Variants in MYOM1 observed in about 807,000 individuals in gnomAD.
The protein encoded by MYOM1 is myomesin-1.
In MYOM1, 164 loss-of-function variants were observed where a neutral mutation model predicts 205.3. The ratio of observed to expected loss-of-function variants is 0.80; its 90% CI spans 0.70 to 0.91. The LOEUF (loss-of-function observed/expected upper bound fraction) is 0.91, where lower values mean the gene tolerates loss of function less well. Among genes scored for constraint, MYOM1 ranks in the 40% least tolerant of loss-of-function variants. The probability of loss-of-function intolerance (pLI) is 0.00; values close to 1 mark genes in which losing one functional copy is unlikely to be tolerated. For missense variants in MYOM1, 2,011 were observed against 2,127.3 expected (o/e 0.95, Z 1.08); for synonymous variants, 772 against 789.4 (o/e 0.98, Z 0.37).
At chr18:3,093,980 C>T (rs2079263050) in intron 26 of MYOM1, among the ~76,000 whole-genome samples, 190 bp downstream of exon 26, 1 of 152,092 alleles carries the variant, frequency 6.6e-6, no homozygotes, top group South Asian at 2.1e-4. Context: ...ATTCTCAAAG[C>T]GTCCCAGTTT....
At position 3,176,087 on chromosome 18, in the gene MYOM1, T is replaced by C. The variant is rs773366188; in HGVS notation, c.977A>G (p.Tyr326Cys). The change falls in exon 6 of 38, where the codon TAT (tyrosine) becomes TGT (cysteine). Residue 326 changes from tyrosine (Y) to cysteine (C), a missense_variant. Coordinates refer to ENST00000356443, the MANE Select transcript of MYOM1 (RefSeq NM_003803.4). ...CATCCCATATCGACTCTCAATAATA[T>C]ACTTTCCAGGGTTTGCATGGACATT... is the stretch of plus-strand genomic sequence containing the variant. ...PINVHANPGK[Y>C]IIESRYGMHT... The C allele has an allele frequency of 8.1e-6, 13 of 1,608,506 alleles. No homozygotes were observed. The East Asian group carries it at 8.9e-5, about 11-fold the overall frequency.
intron 14 of MYOM1, among the ~76,000 whole-genome samples, chr18:3,136,375 G>A (rs1363856915): frequency 6.6e-6 from 1 of 151,976 alleles, no homozygotes; most frequent in African/African-American, 2.4e-5. Context: ...TTATTTTGAG[G>A]ATCGTTTGGG....
intron 9 of MYOM1, among the ~76,000 whole-genome samples, chr18:3,166,912 C>A: frequency 6.6e-6 from 1 of 152,024 alleles, no homozygotes; most frequent in East Asian, 1.9e-4. Context: ...TATAAATAAA[C>A]CTAGAGAAAA....
Position 3,104,076 on chromosome 18 carries a change from T to C in MYOM1, c.3419-1446A>G, listed in dbSNP as rs547852863. ...ACCATATGTTACTTTTAAAGGGCTA[T>C]ATGTATTCCATTGTAAGTTGCAGCC... On this transcript the variant is annotated intron_variant, in intron 22 of 37. Transcript: ENST00000356443. 5.3e-5 allele frequency among the ~76,000 whole-genome samples: 8 copies of C among 152,378 alleles called. No individual in the cohort carries two copies. In the South Asian group the frequency reaches 1.2e-3, roughly 24 times the overall value.
In MYOM1 at chr18:3,100,439, A is replaced by T. The variant is rs1325951031; in HGVS notation, c.3576-13T>A. ...GGTCATTTTCGTCCTTCGGAACAAA[A>T]TATTTTTCTTAGAAATGAGGCTGTG... On this transcript the variant is annotated splice_polypyrimidine_tract_variant and intron_variant, in intron 23 of 37. Coordinates refer to ENST00000356443, the MANE Select transcript of MYOM1 (RefSeq NM_003803.4). The T allele has an allele frequency of 2.5e-6, 4 of 1,598,406 alleles. No individual in the cohort carries two copies. The highest frequency in any genetic ancestry group is 3.4e-6 in the Non-Finnish European group (4 of 1,167,630).
rs1013845185 is a variant in MYOM1 at position 3,219,313 on chromosome 18, C to T, written c.-29+490G>A. Reference sequence around the variant, plus strand: ...CCATTTGAGGCCATATCATTGTGCGCGCTCACATTTATCCACATTGCATCG... The same window carrying T: ...CCATTTGAGGCCATATCATTGTGCGTGCTCACATTTATCCACATTGCATCG... On this transcript the variant is annotated intron_variant, in intron 1 of 37. Transcript: ENST00000356443. The surrounding 1 kb of genome is among the most constrained non-coding windows in gnomAD (Gnocchi z 4.4). Among the ~76,000 whole-genome samples the T allele has an allele frequency of 9.9e-5, 15 of 151,992 alleles. No individual in the cohort carries two copies. The highest frequency in any genetic ancestry group is 2.1e-4 in the South Asian group (1 of 4,800).
At chr18:3,235,741 T>C in the MYOM1 span, among the ~76,000 whole-genome samples, 1 of 152,058 alleles carries the variant, frequency 6.6e-6, no homozygotes, top group South Asian at 2.1e-4. Context: ...GCCTGGTGTG[T>C]TGGAAGTAAT....
At chr18:3,165,478 T>A (rs1373971467) in intron 9 of MYOM1, among the ~76,000 whole-genome samples, 1 of 151,942 alleles carries the variant, frequency 6.6e-6, no homozygotes, top group Non-Finnish European at 1.5e-5. Context: ...AAGTTTCATA[T>A]GAAAATGTTC....
rs368505930 is a variant in MYOM1, at chr18:3,134,955, A to ATT, written c.2210-133_2210-132dup. 0.34 allele frequency: 243,533 copies of ATT among 711,994 alleles called. 24,529 individuals carry two copies. Among genetic ancestry groups the ATT allele is most frequent in the East Asian group, 0.51 (15,525 of 30,714 alleles). The allele number at this position is 711,994 out of a possible 1,614,324, so 44.1% of individuals were successfully genotyped here. ...AAAAGAACAGCTGCTTTATTTTACG[A>ATT]TTTTTTTTTTTGAGACTGAGTCTCG... On this transcript the variant is annotated intron_variant, in intron 15 of 37. Transcript: ENST00000356443.
At chr18:3,079,782 C>T (rs1053330582) in intron 33 of MYOM1, among the ~76,000 whole-genome samples, 3 of 152,086 alleles carry the variant, frequency 2.0e-5, no homozygotes, top group African/African-American at 4.8e-5. Context: ...CTTATGGAGG[C>T]TCATCTGTGC....
chr18:3,148,723 G>A (rs934062386), intron 13 of MYOM1, among the ~76,000 whole-genome samples: 25 of 151,234 alleles, frequency 1.7e-4, no homozygotes, highest in Non-Finnish European at 3.3e-4. Context: ...GCGGGCGCCT[G>A]TAGTCCCAGC....
intron 36 of MYOM1, among the ~76,000 whole-genome samples, chr18:3,074,705 T>C (rs2079000647): frequency 6.6e-6 from 1 of 152,230 alleles, no homozygotes; most frequent in Non-Finnish European, 1.5e-5. Context: ...TTTGGTAGCT[T>C]TTATCTCGCA....
At chr18:3,162,719 C>G in intron 10 of MYOM1, among the ~76,000 whole-genome samples, 1 of 151,968 alleles carries the variant, frequency 6.6e-6, no homozygotes, top group Non-Finnish European at 1.5e-5. Flanking sequence ...ATGTGCATAT[C>G]CAATCCATTT....
chr18:3,145,061 C>A (rs1321017583), intron 13 of MYOM1, among the ~76,000 whole-genome samples: 1 of 152,142 alleles, frequency 6.6e-6, no homozygotes, highest in Non-Finnish European at 1.5e-5. Context: ...GTAATCCCAG[C>A]ACTTTGGGAG....
chr18:3,180,223 A>G (rs1268526357), intron 5 of MYOM1, among the ~76,000 whole-genome samples: 2 of 152,220 alleles, frequency 1.3e-5, no homozygotes, highest in African/African-American at 4.8e-5. Context: ...TACTCAATTT[A>G]GCACCCTAAT....
intron 32 of MYOM1, 31 bp downstream of exon 32, chr18:3,083,957 AG>A: frequency 6.3e-7 from 1 of 1,585,186 alleles, no homozygotes; most frequent in Non-Finnish European, 8.6e-7. Context: ...AGGATCATAA[AG>A]CATTGTTGTG....
At chr18:3,191,708 C>T (rs5024642) in intron 3 of MYOM1, among the ~76,000 whole-genome samples, 23,948 of 142,736 alleles carry the variant, frequency 0.17, 2,767 homozygotes, top group African/African-American at 0.35. Context: ...TTTTTTTTTT[C>T]TTTTTGAGAT....
At chr18:3,231,489 G>A in the MYOM1 span, among the ~76,000 whole-genome samples, 1 of 144,652 alleles carries the variant, frequency 6.9e-6, no homozygotes, top group Non-Finnish European at 1.5e-5. Context: ...AACTACCTCT[G>A]TTTTCAGCAG....
chr18:3,141,997 A>G lies in MYOM1; in HGVS notation c.1967T>C (p.Leu656Pro), dbSNP rs764958355. 7.4e-6 allele frequency: 12 copies of G among 1,613,590 alleles called. No homozygotes were observed. Among genetic ancestry groups the G allele is most frequent in the Non-Finnish European group, 8.5e-6 (10 of 1,179,818 alleles). Residue 656 changes from leucine to proline, a missense_variant, in exon 14 of 38, where the codon CTC becomes CCC. Physicochemically the swap from Leu to Pro is moderately conservative, Grantham distance 98 (BLOSUM62 -3). Coordinates refer to ENST00000356443, the MANE Select transcript of MYOM1 (RefSeq NM_003803.4). ...VTEATRSYVV[L>P]SWKPPGQRGH... Reference sequence around the variant, plus strand: ...ACGCTGGCCAGGGGGCTTCCAGCTGAGCACCACATAGCTCCGGGTGGCCTC... The same window carrying G: ...ACGCTGGCCAGGGGGCTTCCAGCTGGGCACCACATAGCTCCGGGTGGCCTC...
Sources: gnomAD v4.1 joint callset for allele counts (sites outside exome capture counted in the v4.1 genomes callset) on GRCh38, gnomAD v4.1.1 for gene constraint, Gnocchi (gnomAD v3.1) non-coding constraint, MANE v1.5 for transcripts, NCBI Gene and HGNC (gene_info 2026-07-23, HGNC 2026-07-21) for gene names.